The following NUP160 variants were observed in gnomAD, a reference collection of about 807,000 sequenced individuals.
The protein encoded by NUP160 is nuclear pore complex protein Nup160.
In NUP160, 94 loss-of-function variants were observed where a neutral mutation model predicts 196.9. That is an observed-to-expected ratio of 0.48 (90% CI 0.40 to 0.57). The LOEUF (loss-of-function observed/expected upper bound fraction) is 0.57. Among genes scored for constraint, NUP160 ranks in the 20% least tolerant of loss-of-function variants. NUP160 has a pLI of 0.00. For synonymous variants in NUP160, 605 were observed against 619.7 expected (o/e 0.98, Z 0.35); for missense variants, 1,638 against 1,748.3 (o/e 0.94, Z 1.13).
At chr11:47,842,797 CTGG>C (rs1852331016) in intron 2 of NUP160, among the ~76,000 whole-genome samples, 2 of 152,080 alleles carry the variant, frequency 1.3e-5, no homozygotes, top group Non-Finnish European at 2.9e-5. Context: ...CGAGATCAGC[CTGG>C]GCAACACAGC....
At chr11:47,793,986 T>TAA (rs1229355549) in intron 27 of NUP160, among the ~76,000 whole-genome samples, 1 of 152,004 alleles carries the variant, frequency 6.6e-6, no homozygotes, top group Non-Finnish European at 1.5e-5. Flanking sequence ...CTAGGTGAAA[T>TAA]AAGACAGTCA....
At chr11:47,785,103 T>TTTTTTTTTTTTTGAGACGG in intron 32 of NUP160, 40 bp from the exon 33 acceptor site, 7 of 1,086,540 alleles carry the variant, frequency 6.4e-6, no homozygotes, top group Non-Finnish European at 7.8e-6. Context: ...TTCAGATTCT[T>TTTTTTTTTTTTTGAGACGG]AATAGCTATT....
intron 27 of NUP160, among the ~76,000 whole-genome samples, chr11:47,795,856 T>TA (rs2097670582): frequency 6.6e-6 from 1 of 151,908 alleles, no homozygotes; most frequent in Non-Finnish European, 1.5e-5. Flanking sequence ...GGATGCGCTA[T>TA]AAAAAACATT....
intron 27 of NUP160, 149 bp downstream of exon 27, chr11:47,797,630 T>C: frequency 1.6e-6 from 1 of 615,162 alleles, no homozygotes. Context: ...AGCAAGGGCC[T>C]ATCTTCAAGG....
chr11:47,819,584 T>G (rs1473340782), intron 9 of NUP160, 126 bp from the exon 10 acceptor site: 1 of 519,854 alleles, frequency 1.9e-6, no homozygotes, highest in African/African-American at 2.0e-5. Context: ...TCATCAATTC[T>G]ATTAAAAACA....
intron 7 of NUP160, among the ~76,000 whole-genome samples, chr11:47,833,866 G>A (rs1599344044): frequency 6.6e-6 from 1 of 152,334 alleles, no homozygotes; most frequent in East Asian, 1.9e-4. Context: ...AATTAAGCAT[G>A]TCCTGTGAGA....
At chr11:47,792,225 C>G (rs2097668294) in intron 28 of NUP160, 1 of 423,420 alleles carries the variant, frequency 2.4e-6, no homozygotes, top group African/African-American at 2.0e-5. Context: ...GATTTGATCT[C>G]CATGTAAATC....
At chr11:47,789,366 T>C (rs2097666628) in intron 29 of NUP160, among the ~76,000 whole-genome samples, 2 of 151,924 alleles carry the variant, frequency 1.3e-5, no homozygotes, top group African/African-American at 4.8e-5. Context: ...AAGAAAGAAA[T>C]ATGACCAAAC....
At chr11:47,783,815 T>TC (rs2097662907) in intron 33 of NUP160, among the ~76,000 whole-genome samples, 1 of 152,046 alleles carries the variant, frequency 6.6e-6, no homozygotes, top group African/African-American at 2.4e-5. Context: ...AACCTCTGCC[T>TC]CCAGAGTAGC....
chr11:47,839,893 C>A (rs752382432), exon 4 of NUP160: 1 of 1,614,120 alleles, frequency 6.2e-7, no homozygotes, highest in Admixed American at 1.7e-5. Context: ...CCCAGAAGCA[C>A]ATGGTAAGGC....
At chr11:47,811,987 TGACA>T in intron 17 of NUP160, 73 bp downstream of exon 17, 1 of 1,351,140 alleles carries the variant, frequency 7.4e-7, no homozygotes, top group Non-Finnish European at 1.0e-6. Context: ...CTAGTAGGGC[TGACA>T]TTTTGCTCCT....
chr11:47,792,093 A>T (rs1029534495), intron 28 of NUP160, 103 bp from the exon 29 acceptor site: 8 of 790,358 alleles, frequency 1.0e-5, no homozygotes, highest in Non-Finnish European at 1.4e-5. Flanking sequence ...CTCAATGGAA[A>T]TTATTTTTGT....
chr11:47,827,129 A>G (rs983250001), intron 7 of NUP160: 32 of 456,106 alleles, frequency 7.0e-5, no homozygotes, highest in South Asian at 3.9e-4. Flanking sequence ...CACATTGGGA[A>G]GCCGAGGTGG....
intron 17 of NUP160, among the ~76,000 whole-genome samples, chr11:47,810,601 C>T (rs1599324411): frequency 6.6e-6 from 1 of 150,454 alleles, no homozygotes; most frequent in Admixed American, 6.7e-5. Context: ...CGCTGGAGTG[C>T]AGTGGTGCAA....
intron 8 of NUP160, 80 bp from the exon 9 acceptor site, chr11:47,821,901 GGA>G (rs1851866071): frequency 8.4e-7 from 1 of 1,188,136 alleles, no homozygotes. Flanking sequence ...TTCATCAGTA[GGA>G]GAGGTAAATG....
chr11:47,802,911 G>A lies in NUP160; in HGVS notation c.2775+527C>T, dbSNP rs11039399. Reference sequence around the variant, plus strand: ...GAGGTAGGAGAATCACTTGAGCCCAGGAGGTTGAGGCAGCAGTGAGCTGTT... The same window carrying A: ...GAGGTAGGAGAATCACTTGAGCCCAAGAGGTTGAGGCAGCAGTGAGCTGTT... On this transcript the variant is annotated intron_variant, in intron 22 of 35. Transcript: ENST00000378460. Among the ~76,000 whole-genome samples the A allele has an allele frequency of 3.5e-4, 53 of 152,256 alleles. No individual in the cohort carries two copies. The East Asian group carries it at 7.9e-3, about 23-fold the overall frequency.
intron 20 of NUP160, 61 bp downstream of exon 20, chr11:47,806,092 G>C: frequency 2.0e-6 from 3 of 1,508,964 alleles, no homozygotes; most frequent in Non-Finnish European, 2.8e-6. Context: ...GGGATTACAG[G>C]TGTGAGCCAA....
Position 47,808,480 on chromosome 11 carries a change from TGTA to T in NUP160, c.2288_2290del (p.Leu763del), listed in dbSNP as rs754924461. ...AGATAAGAGTAGGGGAGCTGTTCGA[TGTA>T]GTAGGTCTTGCTGAGCTTGAAAGAG... On this transcript the variant is annotated inframe_deletion, in exon 18 of 36. Transcript: ENST00000378460. The T allele has an allele frequency of 3.7e-6, 6 of 1,613,966 alleles. No individual in the cohort carries two copies. In the East Asian group the frequency reaches 1.3e-4, roughly 36 times the overall value.
At chr11:47,830,337 C>G (rs1461776108) in intron 7 of NUP160, among the ~76,000 whole-genome samples, 1 of 152,164 alleles carries the variant, frequency 6.6e-6, no homozygotes, top group Non-Finnish European at 1.5e-5. Context: ...AACTACCATT[C>G]CACTCAGCAA....
Sources: allele counts gnomAD v4.1 joint callset (sites outside exome capture counted in the v4.1 genomes callset), GRCh38; gene constraint gnomAD v4.1.1; transcripts MANE v1.5; gene names NCBI Gene and HGNC (gene_info 2026-07-23, HGNC 2026-07-21).